The following MANSC4 variants were observed in gnomAD, a reference collection of about 807,000 sequenced individuals.
MANSC4 encodes MANSC domain containing 4.
A neutral mutation model predicts 11.4 loss-of-function variants in MANSC4; 11 were observed. That is an observed-to-expected ratio of 0.97 (90% confidence interval 0.61 to 1.60). The LOEUF (loss-of-function observed/expected upper bound fraction) is 1.60. Ranked by LOEUF, MANSC4 falls within the 40% of genes most tolerant of loss-of-function variation. The pLI is 0.00. For synonymous variants in MANSC4, 123 were observed against 147.1 expected (o/e 0.84, Z 1.19); for missense variants, 354 against 404.6 (o/e 0.88, Z 1.07).
chr12:27,780,200 C>A lies in MANSC4; in HGVS notation c.-307+10G>T. On this transcript the variant is annotated intron_variant, in intron 1 of 3. Coordinates refer to ENST00000381273, the MANE Select transcript of MANSC4 (RefSeq NM_001146221.5). The surrounding 1 kb of genome is among the most constrained non-coding windows in gnomAD (Gnocchi z 8.8). ...GCCGGAGAGGCCGGGCGAGCGCGGG[C>A]GGCCCTCACCTCGCCGCTCCTCCCG... The A allele has an allele frequency of 3.0e-6, 2 of 663,226 alleles. No individual in the cohort carries two copies. The allele number at this position is 663,226 out of a possible 1,614,324, so 41.1% of individuals were successfully genotyped here.
At chr12:27,778,041 C>A (rs962009774) in intron 1 of MANSC4, among the ~76,000 whole-genome samples, 3 of 151,796 alleles carry the variant, frequency 2.0e-5, no homozygotes, top group Admixed American at 6.6e-5. Context: ...GCCTGACCAA[C>A]ATGGTGAAAC....
Position 27,766,666 on chromosome 12 carries a change from G to A in MANSC4, c.363C>T (p.Asp121=), listed in dbSNP as rs562874505. The A allele has an allele frequency of 5.9e-5, 91 of 1,549,824 alleles. 1 individual carries two copies. Among genetic ancestry groups the A allele is most frequent in the South Asian group, 2.8e-4 (23 of 83,464 alleles). The change falls in exon 3 of 4, where the codon GAC becomes GAT. Residue 121 remains aspartate (D), a splice_region_variant and synonymous_variant. Coordinates refer to ENST00000381273, the MANE Select transcript of MANSC4 (RefSeq NM_001146221.5). ...GTSAILYNIT[D]GIDPDLLVFE... is the part of the protein sequence containing the mutation. ...AGTCTTGAAATATGTAATCATTACC[G>A]TCTGTTATGTTGTACAAAATGGCAC...
intron 2 of MANSC4, among the ~76,000 whole-genome samples, chr12:27,769,441 G>A (rs1338669331): frequency 6.6e-6 from 1 of 152,088 alleles, no homozygotes; most frequent in Non-Finnish European, 1.5e-5. Context: ...GAAGTTACAC[G>A]GGCTTTAAAA....
intron 1 of MANSC4, among the ~76,000 whole-genome samples, chr12:27,778,859 CAT>C (rs2062130259): frequency 6.6e-6 from 1 of 152,180 alleles, no homozygotes; most frequent in Admixed American, 6.5e-5. Context: ...AGTGAGAGAA[CAT>C]AGGAAACAAG....
intron 1 of MANSC4, among the ~76,000 whole-genome samples, chr12:27,777,151 T>C (rs1366734712): frequency 6.6e-6 from 1 of 152,228 alleles, no homozygotes; most frequent in African/African-American, 2.4e-5. Flanking sequence ...TCCAACCTCA[T>C]CTTACCCTGA....
chr12:27,776,035 A>AGCT (rs1372502861), intron 1 of MANSC4, among the ~76,000 whole-genome samples: 1 of 147,956 alleles, frequency 6.8e-6, no homozygotes, highest in East Asian at 2.0e-4. Flanking sequence ...GGTTGTAGTG[A>AGCT]GCTGAGATCA....
chr12:27,779,856 G>A (rs1246707936), intron 1 of MANSC4: 1 of 151,584 alleles, frequency 6.6e-6, no homozygotes, highest in Non-Finnish European at 1.5e-5. Context: ...CGGAGAGGCT[G>A]CGGGGACGCG....
At chr12:27,777,139 T>C (rs561258096) in intron 1 of MANSC4, among the ~76,000 whole-genome samples, 1 of 152,352 alleles carries the variant, frequency 6.6e-6, no homozygotes, top group East Asian at 1.9e-4. Flanking sequence ...CCAGACTCCC[T>C]GTCCAACCTC....
At chr12:27,779,138 ATTACAGGCGTGAGCCACCGCGCTC>A (rs1285032464) in intron 1 of MANSC4, among the ~76,000 whole-genome samples, 1 of 152,106 alleles carries the variant, frequency 6.6e-6, no homozygotes, top group African/African-American at 2.4e-5. Flanking sequence ...AAGTCATGGG[ATTACAGGCGTGAGCCACCGCGCTC>A]AGCCAAACCG....
rs372261349 is a variant in MANSC4 at position 27,762,803 on chromosome 12, C to T, written c.958G>A (p.Gly320Arg). The change falls in exon 4 of 4, where the codon GGA becomes AGA. Residue 320 changes from glycine to arginine, a missense_variant. By Grantham distance (125) the Gly-to-Arg change is moderately radical. Coordinates refer to ENST00000381273, the MANE Select transcript of MANSC4 (RefSeq NM_001146221.5). ...CGKQQGQYKP[G>R]QRKSGSLQIK... is the part of the protein sequence containing the mutation. ...TGCAAGGATCCTGATTTTCTCTGTC[C>T]TGGTTTATACTGGCCCTGCTGCTTT... 6 of 1,551,212 alleles carry T rather than the reference C, an allele frequency of 3.9e-6. No individual in the cohort carries two copies. The African/African-American group carries it at 4.1e-5, about 11-fold the overall frequency.
chr12:27,773,032 A>G (rs1398947736), intron 1 of MANSC4, among the ~76,000 whole-genome samples: 1 of 152,212 alleles, frequency 6.6e-6, no homozygotes, highest in Non-Finnish European at 1.5e-5. Context: ...TAAAGATCAA[A>G]GTTTCATTTT....
intron 1 of MANSC4, among the ~76,000 whole-genome samples, chr12:27,775,441 AGGT>A (rs2062116135): frequency 6.6e-6 from 1 of 152,284 alleles, no homozygotes; most frequent in Non-Finnish European, 1.5e-5. Flanking sequence ...TAGCCGGTTG[AGGT>A]GGGGCCCATG....
chr12:27,773,349 T>C (rs1227043772), intron 1 of MANSC4, among the ~76,000 whole-genome samples: 2 of 152,204 alleles, frequency 1.3e-5, no homozygotes, highest in Admixed American at 6.5e-5. Flanking sequence ...GCCAAGTGTT[T>C]TAAAAAGAAA....
intron 2 of MANSC4, among the ~76,000 whole-genome samples, chr12:27,769,441 G>T (rs1338669331): frequency 1.3e-5 from 2 of 152,088 alleles, no homozygotes; most frequent in Admixed American, 6.6e-5. Flanking sequence ...GAAGTTACAC[G>T]GGCTTTAAAA....
rs1387397019 is a variant in MANSC4, at chr12:27,771,078, A to G, written c.199T>C (p.Cys67Arg). 1.3e-6 allele frequency: 2 copies of G among 1,551,640 alleles called. No homozygotes were observed. Among genetic ancestry groups the G allele is most frequent in the Admixed American group, 3.9e-5 (2 of 50,974 alleles). The change falls in exon 2 of 4, where the codon TGC becomes CGC. Residue 67 changes from cysteine to arginine, a missense_variant. Coordinates refer to ENST00000381273, the MANE Select transcript of MANSC4 (RefSeq NM_001146221.5). ...TTCCGAAGACAGCAGCTCCTACTGC[A>G]CTTCTGGCCAGTGCTTTCAGAATAA... ...KYYSESTGQK[C>R]SRSCCLRKDV...
intron 1 of MANSC4, among the ~76,000 whole-genome samples, chr12:27,775,775 T>G (rs893303908): frequency 6.6e-6 from 1 of 152,042 alleles, no homozygotes; most frequent in East Asian, 1.9e-4. Context: ...ATCTGTTTTT[T>G]TTTTTTAAAC....
Position 27,762,896 on chromosome 12 carries a change from C to T in MANSC4, c.865G>A (p.Val289Met). 10 of 1,552,154 alleles carry T rather than the reference C, an allele frequency of 6.4e-6. No homozygotes were observed. Among genetic ancestry groups the T allele is most frequent in the Non-Finnish European group, 8.7e-6 (10 of 1,147,132 alleles). ...SVTSKTWLVS[V>M]ALCTSVIFLG... ...AAGATGACAGAGGTGCAAAGGGCCA[C>T]AGAAACCAGCCAAGTCTTTGAAGTC... Residue 289 changes from valine to methionine, a missense_variant, in exon 4 of 4, where the codon GTG becomes ATG. Coordinates refer to ENST00000381273, the MANE Select transcript of MANSC4 (RefSeq NM_001146221.5).
intron 2 of MANSC4, among the ~76,000 whole-genome samples, chr12:27,770,184 TGAGA>T (rs368183852): frequency 6.9e-5 from 10 of 144,772 alleles, no homozygotes; most frequent in Non-Finnish European, 7.9e-5. Flanking sequence ...TGTTTGTGTG[TGAGA>T]GAGAGAGAGA....
Position 27,766,662 on chromosome 12 carries a change from T to A in MANSC4, c.364+3A>T. On this transcript the variant is annotated splice_donor_region_variant and intron_variant, in intron 3 of 3. Coordinates refer to ENST00000381273, the MANE Select transcript of MANSC4 (RefSeq NM_001146221.5). ...TTAAAGTCTTGAAATATGTAATCATTACCGTCTGTTATGTTGTACAAAATG... is the reference window on the plus strand; with the variant it reads ...TTAAAGTCTTGAAATATGTAATCATAACCGTCTGTTATGTTGTACAAAATG... 1 of 1,550,344 alleles carries A rather than the reference T, an allele frequency of 6.5e-7. No individual in the cohort carries two copies. Among genetic ancestry groups the A allele is most frequent in the Non-Finnish European group, 8.7e-7 (1 of 1,146,676 alleles).
Sources: allele counts gnomAD v4.1 joint callset (sites outside exome capture counted in the v4.1 genomes callset), GRCh38; gene constraint gnomAD v4.1.1; non-coding constraint Gnocchi (gnomAD v3.1); transcripts MANE v1.5; gene names NCBI Gene and HGNC (gene_info 2026-07-23, HGNC 2026-07-21).